LRAT: variants seen among roughly 807,000 people sequenced by gnomAD.
LRAT encodes the protein lecithin retinol acyltransferase (phosphatidylcholine--retinol O-acyltransferase).
LRAT carries 11 observed loss-of-function variants against 14.2 expected under a neutral mutation model. That is an observed-to-expected ratio of 0.78 (90% CI 0.49 to 1.29). The LOEUF (loss-of-function observed/expected upper bound fraction) is 1.29, where lower values mean the gene tolerates loss of function less well. Among genes scored for constraint, LRAT ranks in the 50% most tolerant of loss-of-function variants. LRAT has a pLI of 0.00. For missense variants in LRAT, 274 were observed against 292.4 expected (o/e 0.94, Z 0.46); for synonymous variants, 144 against 124.8 (o/e 1.15, Z -1.03).
In LRAT at chr4:154,744,470, C is replaced by T. The variant is rs1367430236; in HGVS notation, c.144C>T (p.Gly48=). 2 of 1,613,900 alleles carry T rather than the reference C, an allele frequency of 1.2e-6. No individual in the cohort carries two copies. Among genetic ancestry groups the T allele is most frequent in the African/African-American group, 1.3e-5 (1 of 74,930 alleles). ...ATGAAACCAGCTCTTTCCACCGAGG[C>T]GACGTGCTGGAGGTGCCCCGGACCC... The part of the protein sequence containing the change: ...SFYETSSFHR[G]DVLEVPRTHL... Residue 48 remains glycine (G), a synonymous_variant, in exon 2 of 3, where the codon GGC becomes GGT. Coordinates refer to ENST00000336356, the MANE Select transcript of LRAT (RefSeq NM_004744.5).
At chr4:154,745,215 G>A (rs773140228) in intron 2 of LRAT, among the ~76,000 whole-genome samples, 16 of 151,710 alleles carry the variant, frequency 1.1e-4, no homozygotes, top group Non-Finnish European at 2.9e-5. Flanking sequence ...TAGAGATGGG[G>A]TTTCACCGTA....
At chr4:154,744,972 C>T (rs1732852752) in intron 2 of LRAT, 106 bp downstream of exon 2, 10 of 1,007,450 alleles carry the variant, frequency 9.9e-6, no homozygotes, top group Non-Finnish European at 1.4e-5. Context: ...TGGACACCTC[C>T]CCTACCACTT....
At position 154,748,996 on chromosome 4, in the gene LRAT, G is replaced by C. The variant is rs541763155; in HGVS notation, c.553G>C (p.Val185Leu). 6.2e-7 allele frequency: 1 copy of C among 1,613,678 alleles called. No homozygotes were observed. Among genetic ancestry groups the C allele is most frequent in the African/African-American group, 1.3e-5 (1 of 75,002 alleles). Residue 185 changes from valine to leucine, a missense_variant, in exon 3 of 3, where the codon GTG becomes CTG. Transcript: ENST00000336356. ...TTTTATTTTCCAGTTTTGTGAGACT[G>C]TGAAGATAATTATTCGTGATCAGAG... The part of the protein sequence containing the change: ...SPQSDKFCET[V>L]KIIIRDQRSV...
upstream of LRAT, among the ~76,000 whole-genome samples, chr4:154,743,138 C>CG (rs1732801428): frequency 8.0e-6 from 1 of 125,400 alleles, no homozygotes; most frequent in Non-Finnish European, 1.8e-5. Context: ...CCCCCCCCCC[C>CG]GCCCTACACA....
At position 154,744,475 on chromosome 4, in the gene LRAT, T is replaced by G. The variant is rs1384466058; in HGVS notation, c.149T>G (p.Val50Gly). The stretch of plus-strand genomic sequence containing the variant: ...ACCAGCTCTTTCCACCGAGGCGACG[T>G]GCTGGAGGTGCCCCGGACCCACCTG... ...YETSSFHRGDVLEVPRTHLTH... is the reference protein window; with the variant it reads ...YETSSFHRGDGLEVPRTHLTH... Residue 50 changes from valine to glycine, a missense_variant, in exon 2 of 3, where the codon GTG becomes GGG. Transcript: ENST00000336356. The G allele has an allele frequency of 6.2e-7, 1 of 1,614,026 alleles. No homozygotes were observed. Among genetic ancestry groups the G allele is most frequent in the Admixed American group, 1.7e-5 (1 of 60,014 alleles).
At chr4:154,742,858 C>G (rs1482970368), upstream of LRAT, among the ~76,000 whole-genome samples, 1 of 151,992 alleles carries the variant, frequency 6.6e-6, no homozygotes, top group African/African-American at 2.4e-5. Context: ...TGCTTAAAAA[C>G]ATAAAAATAA....
rs374704716 is a variant in LRAT at position 154,744,809 on chromosome 4, C to T, written c.483C>T (p.Cys161=). The T allele has an allele frequency of 6.2e-7, 1 of 1,614,008 alleles. No individual in the cohort carries two copies. The highest frequency in any genetic ancestry group is 8.5e-7 in the Non-Finnish European group (1 of 1,180,028). ...FTPYSLLWNN[C]EHFVTYCRYG... ...CCTACAGCCTGCTGTGGAACAACTGCGAGCACTTCGTGACCTACTGCAGAT... is the reference window on the plus strand; with the variant it reads ...CCTACAGCCTGCTGTGGAACAACTGTGAGCACTTCGTGACCTACTGCAGAT... The change falls in exon 2 of 3, where the codon TGC becomes TGT. Residue 161 remains cysteine (C), a synonymous_variant. Coordinates refer to ENST00000336356, the MANE Select transcript of LRAT (RefSeq NM_004744.5).
intron 2 of LRAT, among the ~76,000 whole-genome samples, chr4:154,745,171 AC>A (rs1176065596): frequency 6.6e-6 from 1 of 151,518 alleles, no homozygotes; most frequent in Non-Finnish European, 1.5e-5. Context: ...GGCACCCGCC[AC>A]CACGCCCGGC....
intron 2 of LRAT, 77 bp downstream of exon 2, chr4:154,744,943 C>G: frequency 2.1e-6 from 3 of 1,416,490 alleles, no homozygotes; most frequent in Admixed American, 3.4e-5. Flanking sequence ...CTCTTCCCCG[C>G]GAGTAGGGAT....
upstream of LRAT, chr4:154,740,897 G>A (rs1417530266): frequency 6.6e-6 from 1 of 152,240 alleles, no homozygotes; most frequent in Admixed American, 6.5e-5. Flanking sequence ...CAGCTACTCA[G>A]GGTAGAGGAA....
At position 154,744,003 on chromosome 4, in the gene LRAT, C is replaced by T. The variant is rs1732819852; in HGVS notation, c.-221C>T. 2 of 381,088 alleles carry T rather than the reference C, an allele frequency of 5.2e-6. No individual in the cohort carries two copies. The highest frequency in any genetic ancestry group is 9.8e-6 in the Non-Finnish European group (2 of 204,368). The allele number at this position is 381,088 out of a possible 1,614,324, so 23.6% of individuals were successfully genotyped here. A position where few individuals can be genotyped will look rare whatever the true frequency, so the allele number is the denominator to read the frequency against. On this transcript the variant is annotated 5_prime_UTR_variant, in exon 1 of 3. Coordinates refer to ENST00000336356, the MANE Select transcript of LRAT (RefSeq NM_004744.5). ...TCGCAGCGAAGCCTGCACCTCCGAG[C>T]ACCGCGCGCGGCCCTGCCCCCGGCA...
At position 154,751,363 on chromosome 4, in the gene LRAT, T is replaced by A. The variant is rs1732985381; in HGVS notation, c.*2227T>A. On this transcript the variant is annotated 3_prime_UTR_variant, in exon 3 of 3. Coordinates refer to ENST00000336356, the MANE Select transcript of LRAT (RefSeq NM_004744.5). ...TGAACTTCTTGGGAGAAAAGGAGAATCTTTGTTTTGTTGTGCTGAGTTTGA... is the reference window on the plus strand; with the variant it reads ...TGAACTTCTTGGGAGAAAAGGAGAAACTTTGTTTTGTTGTGCTGAGTTTGA... 1 of 152,170 alleles carries A rather than the reference T, an allele frequency of 6.6e-6. No homozygotes were observed. The highest frequency in any genetic ancestry group is 1.5e-5 in the Non-Finnish European group (1 of 68,044). 9.4% of individuals were successfully genotyped at this position (152,170 alleles called of 1,614,324 possible).
chr4:154,743,705 C>T (rs1055425299), upstream of LRAT, among the ~76,000 whole-genome samples: 1 of 152,094 alleles, frequency 6.6e-6, no homozygotes, highest in African/African-American at 2.4e-5. Flanking sequence ...TCGCCCCAGT[C>T]CCGACAGGTG....
chr4:154,743,715 G>T (rs1025377411), upstream of LRAT, among the ~76,000 whole-genome samples: 3 of 152,014 alleles, frequency 2.0e-5, no homozygotes, highest in South Asian at 4.2e-4. Context: ...CCCGACAGGT[G>T]CAGGACCTTT....
rs1047253791 is a variant in LRAT at position 154,749,367 on chromosome 4, C to T, written c.*231C>T. 2.3e-5 allele frequency: 12 copies of T among 518,076 alleles called. No individual in the cohort carries two copies. The highest frequency in any genetic ancestry group is 2.3e-4 in the Admixed American group (7 of 30,894). 32.1% of individuals were successfully genotyped at this position (518,076 alleles called of 1,614,324 possible). A position where few individuals can be genotyped will look rare whatever the true frequency, so the allele number is the denominator to read the frequency against. ...AAGCACCATCCAAACCTTGGAAATA[C>T]GACAGGGTGTGGTAGAATTCAGCAA... On this transcript the variant is annotated 3_prime_UTR_variant, in exon 3 of 3. Coordinates refer to ENST00000336356, the MANE Select transcript of LRAT (RefSeq NM_004744.5).
chr4:154,743,876 C>T (rs1275665213), upstream of LRAT: 1 of 147,816 alleles, frequency 6.8e-6, no homozygotes, highest in Non-Finnish European at 1.5e-5. Context: ...CGGGATCCCG[C>T]GTCCTCCCCG....
At chr4:154,746,930 GA>G (rs905034610) in intron 2 of LRAT, among the ~76,000 whole-genome samples, 2,823 of 148,476 alleles carry the variant, frequency 0.019, 97 homozygotes, top group African/African-American at 0.065. Context: ...TTTCCCGGGG[GA>G]AAAAAAAAAG....
In LRAT at chr4:154,744,042, C is replaced by T. The variant is rs1315214634; in HGVS notation, c.-182C>T. The T allele has an allele frequency of 1.9e-5, 9 of 484,622 alleles. No homozygotes were observed. The highest frequency in any genetic ancestry group is 3.4e-5 in the Non-Finnish European group (9 of 264,650). 30.0% of individuals were successfully genotyped at this position (484,622 alleles called of 1,614,324 possible). ...CTGCCCCCGGCACGGCCCCCAGGTG[C>T]GCTCCTTCTCCGGCTGCTTGTAGCA... On this transcript the variant is annotated 5_prime_UTR_variant, in exon 1 of 3. Transcript: ENST00000336356.
intron 2 of LRAT, chr4:154,745,281 A>G (rs1255238882): frequency 5.1e-6 from 1 of 196,416 alleles, no homozygotes; most frequent in Non-Finnish European, 1.1e-5. Flanking sequence ...TCAGCATCCC[A>G]AAGTGCTGGG....
Sources: allele counts gnomAD v4.1 joint callset (sites outside exome capture counted in the v4.1 genomes callset), GRCh38; gene constraint gnomAD v4.1.1; transcripts MANE v1.5; gene names NCBI Gene and HGNC (gene_info 2026-07-23, HGNC 2026-07-21).